TMEM267: variants seen among roughly 807,000 people sequenced by gnomAD.
TMEM267 encodes transmembrane protein C5orf28.
In TMEM267, 20 loss-of-function variants were observed where a neutral mutation model predicts 19.3. The observed-to-expected ratio is 1.04, with a 90% CI of 0.73 to 1.51. TMEM267 has a LOEUF of 1.51. TMEM267 is among the 40% of genes most tolerant of loss of function. The pLI, the probability that TMEM267 is intolerant of heterozygous loss-of-function variation, is 0.00. For synonymous variants in TMEM267, 88 were observed against 90.3 expected (o/e 0.97, Z 0.15); for missense variants, 242 against 261.9 (o/e 0.92, Z 0.52).
chr5:43,465,041 T>G (rs180834883), intron 1 of TMEM267, among the ~76,000 whole-genome samples: 2,219 of 152,112 alleles, frequency 0.015, 48 homozygotes, highest in African/African-American at 0.046. Flanking sequence ...GGGAGAAAAT[T>G]TTTGCAATCT....
intron 1 of TMEM267, among the ~76,000 whole-genome samples, chr5:43,479,375 G>T (rs1010357294): frequency 6.6e-6 from 1 of 151,482 alleles, no homozygotes; most frequent in African/African-American, 2.4e-5. Context: ...GAAAAATTTC[G>T]ATGTCTTACT....
chr5:43,479,507 AG>A (rs1278194041), intron 1 of TMEM267, among the ~76,000 whole-genome samples: 6 of 151,986 alleles, frequency 3.9e-5, no homozygotes, highest in Middle Eastern at 3.4e-3. Context: ...GTAATAAAAA[AG>A]GTATAACATT....
chr5:43,446,199 C>G lies in TMEM267; in HGVS notation c.*23G>C, dbSNP rs761385109. ...TAATTATCATCATCTGAGCCATTTG[C>G]TTCTCTAAGACTGCCGTGTACCTCA... On this transcript the variant is annotated 3_prime_UTR_variant, in exon 3 of 3. Transcript: ENST00000397080. The G allele has an allele frequency of 1.0e-5, 15 of 1,491,484 alleles. No homozygotes were observed. In the South Asian group the frequency reaches 1.8e-4, roughly 18 times the overall value. The allele number at this position is 1,491,484 out of a possible 1,614,324, so 92.4% of individuals were successfully genotyped here. A position where few individuals can be genotyped will look rare whatever the true frequency, so the allele number is the denominator to read the frequency against.
At chr5:43,455,452 T>C (rs929263653) in intron 1 of TMEM267, among the ~76,000 whole-genome samples, 13 of 149,194 alleles carry the variant, frequency 8.7e-5, no homozygotes, top group Admixed American at 1.3e-4. Context: ...ATCAAAACAG[T>C]GTAGTATTGG....
intron 1 of TMEM267, among the ~76,000 whole-genome samples, chr5:43,480,584 A>G (rs1175024270): frequency 3.3e-5 from 5 of 151,674 alleles, no homozygotes; most frequent in Non-Finnish European, 7.4e-5. Context: ...CAGCCTCCCA[A>G]AGCACTGGGA....
intron 1 of TMEM267, among the ~76,000 whole-genome samples, chr5:43,467,166 A>G (rs552708663): frequency 3.4e-4 from 52 of 151,138 alleles, no homozygotes; most frequent in African/African-American, 1.2e-3. Flanking sequence ...AAAAAAAAAA[A>G]AAGAAGGAAG....
chr5:43,479,244 C>T (rs181846668), intron 1 of TMEM267, among the ~76,000 whole-genome samples: 9 of 151,870 alleles, frequency 5.9e-5, no homozygotes, highest in African/African-American at 2.2e-4. Flanking sequence ...TAAAAAATTA[C>T]ATTTTTGTTA....
At chr5:43,467,444 A>G (rs1316505325) in intron 1 of TMEM267, among the ~76,000 whole-genome samples, 1 of 152,212 alleles carries the variant, frequency 6.6e-6, no homozygotes, top group Non-Finnish European at 1.5e-5. Flanking sequence ...AGCTATACCT[A>G]TACTGAACAA....
chr5:43,448,883 T>G (rs114030073), intron 2 of TMEM267, among the ~76,000 whole-genome samples: 3,933 of 134,796 alleles, frequency 0.029, 71 homozygotes, highest in Middle Eastern at 0.06. Flanking sequence ...CATAAGAAAA[T>G]TATATCACAC....
At chr5:43,446,583 A>G (rs767721725) in intron 2 of TMEM267, 26 bp from the exon 3 acceptor site, 18 of 1,466,454 alleles carry the variant, frequency 1.2e-5, no homozygotes, top group East Asian at 4.6e-5. Flanking sequence ...AATAGCGAGT[A>G]TCATTTCCTT....
chr5:43,474,284 C>G (rs1390094911), intron 1 of TMEM267, among the ~76,000 whole-genome samples: 2 of 152,192 alleles, frequency 1.3e-5, no homozygotes, highest in African/African-American at 2.4e-5. Context: ...GAAAGAGCTT[C>G]TACACAGCAA....
At chr5:43,483,476 C>G (rs1381548452) in intron 1 of TMEM267, among the ~76,000 whole-genome samples, 1 of 152,210 alleles carries the variant, frequency 6.6e-6, no homozygotes, top group African/African-American at 2.4e-5. Context: ...TTCGGCACGA[C>G]TCCCGGAACC....
chr5:43,475,077 C>T (rs1178479878), intron 1 of TMEM267, among the ~76,000 whole-genome samples: 4 of 152,146 alleles, frequency 2.6e-5, no homozygotes, highest in African/African-American at 9.7e-5. Context: ...CTCATGCACA[C>T]GTATGTTTAT....
At position 43,453,941 on chromosome 5, in the gene TMEM267, G is replaced by C. The variant is rs1239895438; in HGVS notation, c.29C>G (p.Ala10Gly). 2 of 1,613,868 alleles carry C rather than the reference G, an allele frequency of 1.2e-6. No individual in the cohort carries two copies. The highest frequency in any genetic ancestry group is 2.7e-5 in the African/African-American group (2 of 74,914). The change falls in exon 2 of 3, where the codon GCT (alanine) becomes GGT (glycine). Residue 10 changes from alanine (A) to glycine (G), a missense_variant. Ala to Gly is a moderately conservative substitution (Grantham distance 60). Transcript: ENST00000397080. MASETEKTH[A>G]LLQTCSTESL... The stretch of plus-strand genomic sequence containing the variant: ...TTCAGTGCTACAAGTCTGCAGTAAA[G>C]CATGGGTCTTTTCAGTCTCGGATGC...
intron 1 of TMEM267, among the ~76,000 whole-genome samples, chr5:43,469,515 GATC>G (rs1039658341): frequency 2.6e-5 from 4 of 152,064 alleles, no homozygotes; most frequent in African/African-American, 7.2e-5. Context: ...CAAACCATAT[GATC>G]ATTTCAATTG....
At chr5:43,460,730 C>G (rs1236392599) in intron 1 of TMEM267, among the ~76,000 whole-genome samples, 2 of 152,138 alleles carry the variant, frequency 1.3e-5, no homozygotes, top group African/African-American at 4.8e-5. Flanking sequence ...AAAGGAAAAC[C>G]AGACTAAACT....
chr5:43,480,146 G>A (rs750887862), intron 1 of TMEM267, among the ~76,000 whole-genome samples: 4 of 152,014 alleles, frequency 2.6e-5, no homozygotes, highest in Non-Finnish European at 5.9e-5. Flanking sequence ...CCAGAGCAGC[G>A]GCAGCAGCAA....
intron 1 of TMEM267, among the ~76,000 whole-genome samples, chr5:43,482,044 C>T (rs1447719154): frequency 6.6e-6 from 1 of 152,126 alleles, no homozygotes; most frequent in Non-Finnish European, 1.5e-5. Flanking sequence ...GGGTTTCACC[C>T]GTGTTAGCCA....
intron 1 of TMEM267, among the ~76,000 whole-genome samples, chr5:43,461,895 T>G (rs1039420746): frequency 1.3e-5 from 2 of 152,224 alleles, no homozygotes; most frequent in Non-Finnish European, 2.9e-5. Flanking sequence ...TAGGCCTGGC[T>G]GGCTTTGCTA....
Sources: gnomAD v4.1 joint callset for allele counts (sites outside exome capture counted in the v4.1 genomes callset) on GRCh38, gnomAD v4.1.1 for gene constraint, MANE v1.5 for transcripts, NCBI Gene and HGNC (gene_info 2026-07-23, HGNC 2026-07-21) for gene names.